IFT80: variants seen among roughly 807,000 people sequenced by gnomAD.
The protein encoded by IFT80 is intraflagellar transport protein 80 homolog.
IFT80 carries 79 observed loss-of-function variants against 107.9 expected under a neutral mutation model. That is an observed-to-expected ratio of 0.73 (90% CI 0.61 to 0.88). IFT80 has a LOEUF of 0.88. IFT80 is among the 40% of genes least tolerant of loss of function. IFT80 has a pLI of 0.00. For synonymous variants in IFT80, 299 were observed against 300.9 expected, an observed-to-expected ratio of 0.99 and a Z score of 0.07; for missense variants, 797 against 914.2, an observed-to-expected ratio of 0.87 and a Z score of 1.65.
intron 12 of IFT80, among the ~76,000 whole-genome samples, chr3:160,295,414 G>A (rs918848355): frequency 2.0e-5 from 3 of 152,172 alleles, no homozygotes; most frequent in East Asian, 1.9e-4. Flanking sequence ...AGACCAGCCC[G>A]GGCAACATAG....
intron 8 of IFT80, among the ~76,000 whole-genome samples, chr3:160,329,863 C>G (rs1383990845): frequency 6.6e-6 from 1 of 151,928 alleles, no homozygotes; most frequent in Non-Finnish European, 1.5e-5. Context: ...TTATAGGGTC[C>G]TCATCCATGA....
chr3:160,302,405 A>G (rs1313091259), intron 11 of IFT80, among the ~76,000 whole-genome samples: 1 of 152,038 alleles, frequency 6.6e-6, no homozygotes, highest in Non-Finnish European at 1.5e-5. Flanking sequence ...AATATTTGCT[A>G]AACTTGACAA....
intron 5 of IFT80, 101 bp from the exon 6 acceptor site, chr3:160,366,253 GTCATT>G (rs1721856586): frequency 2.4e-6 from 2 of 821,028 alleles, no homozygotes; most frequent in Admixed American, 4.0e-5. Flanking sequence ...CATATGAGGT[GTCATT>G]TCATTTCTTC....
At chr3:160,369,822 G>T (rs1722112098) in intron 5 of IFT80, among the ~76,000 whole-genome samples, 1 of 151,898 alleles carries the variant, frequency 6.6e-6, no homozygotes, top group African/African-American at 2.4e-5. Flanking sequence ...ATAATAAATA[G>T]TTTTTTACTT....
chr3:160,331,196 C>A (rs1719064136), intron 8 of IFT80, among the ~76,000 whole-genome samples: 1 of 152,112 alleles, frequency 6.6e-6, no homozygotes, highest in Admixed American at 6.5e-5. Context: ...CTTGAACGAA[C>A]ACAAGCCCTG....
At chr3:160,293,755 G>A (rs1220211680) in intron 12 of IFT80, among the ~76,000 whole-genome samples, 2 of 152,148 alleles carry the variant, frequency 1.3e-5, no homozygotes, top group African/African-American at 2.4e-5. Context: ...CATGTTCAGA[G>A]GGTTGAGTAC....
chr3:160,380,154 T>A (rs1712360116), intron 3 of IFT80, among the ~76,000 whole-genome samples: 2 of 151,538 alleles, frequency 1.3e-5, no homozygotes, highest in South Asian at 4.2e-4. Context: ...TATCTCAGCC[T>A]CCCAAGTAGC....
At chr3:160,292,734 C>G (rs564631892) in intron 12 of IFT80, among the ~76,000 whole-genome samples, 1 of 152,198 alleles carries the variant, frequency 6.6e-6, no homozygotes, top group South Asian at 2.1e-4. Flanking sequence ...CCTCGGCCTC[C>G]TTTTGTTTTT....
Position 160,353,748 on chromosome 3 carries a change from T to C in IFT80, c.777+2265A>G, listed in dbSNP as rs764157905. Among the ~76,000 whole-genome samples, 7 of 152,322 alleles carry C rather than the reference T, an allele frequency of 4.6e-5. No individual in the cohort carries two copies. In the Middle Eastern group the frequency reaches 0.01, roughly 222 times the overall value. ...ACTTGTCATAATGTACTGTAAGTCT[T>C]ATAGTCTAATTCTCCACTAGACTGT... On this transcript the variant is annotated intron_variant, in intron 8 of 19. Coordinates refer to ENST00000326448, the MANE Select transcript of IFT80 (RefSeq NM_020800.3).
chr3:160,374,644 T>C (rs1166638157), intron 5 of IFT80, among the ~76,000 whole-genome samples: 1 of 152,162 alleles, frequency 6.6e-6, no homozygotes, highest in Non-Finnish European at 1.5e-5. Context: ...TCTGAAAGAA[T>C]TCTGTCAATT....
In IFT80 at chr3:160,391,055, G is replaced by A. The variant is rs113971005; in HGVS notation, c.-46-6409C>T. Among the ~76,000 whole-genome samples the A allele has an allele frequency of 1.7e-3, 263 of 152,274 alleles. 1 individual carries two copies. The highest frequency in any genetic ancestry group is 5.8e-3 in the African/African-American group (242 of 41,544). ...TCTTAATTTGCATATAGCTAAAAGT[G>A]GGCACAAATATGACTGCAGAAGTGC... On this transcript the variant is annotated intron_variant, in intron 1 of 19. Transcript: ENST00000326448.
Position 160,383,795 on chromosome 3 carries a change from T to G in IFT80, c.37+769A>C, listed in dbSNP as rs1449432252. On this transcript the variant is annotated intron_variant, in intron 2 of 19. Coordinates refer to ENST00000326448, the MANE Select transcript of IFT80 (RefSeq NM_020800.3). ...ATAGGGTCATGTGTTTGAGAAAATA[T>G]TATTAATTGCCACCTTCCCATGTGA... 3.0e-6 allele frequency: 3 copies of G among 985,276 alleles called. No individual in the cohort carries two copies. The African/African-American group carries it at 5.2e-5, about 17-fold the overall frequency. The allele number at this position is 985,276 out of a possible 1,614,324, so 61.0% of individuals were successfully genotyped here. A position where few individuals can be genotyped will look rare whatever the true frequency, so the allele number is the denominator to read the frequency against.
chr3:160,264,162 T>G (rs1478530064), intron 19 of IFT80, among the ~76,000 whole-genome samples: 1 of 151,792 alleles, frequency 6.6e-6, no homozygotes, highest in Non-Finnish European at 1.5e-5. Context: ...CAGGTTGGAG[T>G]GCAGTGGCGT....
chr3:160,282,444 A>T, intron 14 of IFT80, 34 bp downstream of exon 14: 1 of 1,370,416 alleles, frequency 7.3e-7, no homozygotes, highest in Non-Finnish European at 1.0e-6. Context: ...GAAAGTTGAC[A>T]ATTAAAACTT....
At chr3:160,264,054 A>T (rs1576718920) in intron 19 of IFT80, among the ~76,000 whole-genome samples, 1 of 151,802 alleles carries the variant, frequency 6.6e-6, no homozygotes, top group African/African-American at 2.4e-5. Flanking sequence ...CTCCCACCTT[A>T]GCCTCCCAAA....
intron 1 of IFT80, among the ~76,000 whole-genome samples, chr3:160,398,068 T>C (rs1315354917): frequency 2.0e-5 from 3 of 152,246 alleles, no homozygotes; most frequent in Admixed American, 2.0e-4. Context: ...CTTCTTGGTA[T>C]GCTTACCAGC....
chr3:160,357,445 A>G (rs1355592982), intron 7 of IFT80, 44 bp downstream of exon 7: 1 of 1,061,748 alleles, frequency 9.4e-7, no homozygotes, highest in Admixed American at 1.8e-5. Flanking sequence ...AGTACTTATA[A>G]ATTTGATTAT....
rs1277215910 is a variant in IFT80 at position 160,303,898 on chromosome 3, T to TA, written c.1151+16dup. 2 of 1,528,836 alleles carry TA rather than the reference T, an allele frequency of 1.3e-6. No individual in the cohort carries two copies. Among genetic ancestry groups the TA allele is most frequent in the South Asian group, 1.1e-5 (1 of 89,306 alleles). The allele number at this position is 1,528,836 out of a possible 1,614,324, so 94.7% of individuals were successfully genotyped here. Reference sequence around the variant, plus strand: ...TTATTTTAACCCCAGATCCAGTAGTTAAACATAATAAATTACCTTTCTGCC... The same window carrying TA: ...TTATTTTAACCCCAGATCCAGTAGTTAAAACATAATAAATTACCTTTCTGCC... On this transcript the variant is annotated intron_variant, in intron 11 of 19. Coordinates refer to ENST00000326448, the MANE Select transcript of IFT80 (RefSeq NM_020800.3).
chr3:160,336,591 A>G (rs1199273790), intron 8 of IFT80, among the ~76,000 whole-genome samples: 6 of 149,458 alleles, frequency 4.0e-5, no homozygotes, highest in African/African-American at 1.2e-4. Flanking sequence ...ACATGTGTGT[A>G]TGTGTGTGTG....
Sources: allele counts gnomAD v4.1 joint callset (sites outside exome capture counted in the v4.1 genomes callset), GRCh38; gene constraint gnomAD v4.1.1; transcripts MANE v1.5; gene names NCBI Gene and HGNC (gene_info 2026-07-23, HGNC 2026-07-21).